The following CDYL variants were observed in gnomAD, a reference collection of about 807,000 sequenced individuals.
CDYL encodes the protein chromodomain Y-like protein.
In CDYL, 8 loss-of-function variants were observed where a neutral mutation model predicts 47.3. That is an observed-to-expected ratio of 0.17 (90% CI 0.10 to 0.31). The LOEUF (loss-of-function observed/expected upper bound fraction) is 0.31, where lower values mean the gene tolerates loss of function less well. Among genes scored for constraint, CDYL ranks in the 10% least tolerant of loss-of-function variants. CDYL has a pLI of 1.00. For missense variants in CDYL, 471 were observed against 701.4 expected (o/e 0.67, Z 3.71); for synonymous variants, 266 against 265.0 (o/e 1.00, Z -0.04).
In CDYL at chr6:4,787,081, C is replaced by A. The variant is rs555269155; in HGVS notation, c.24+10274C>A. ...GAGGGAAGTTCTCAACTGTCTTACA[C>A]CCCAGGCACGTGAGGTAGAGTGTAG... On this transcript the variant is annotated intron_variant, in intron 1 of 6. Transcript: ENST00000397588. Among the ~76,000 whole-genome samples the A allele has an allele frequency of 2.6e-5, 4 of 152,326 alleles. No homozygotes were observed. In the South Asian group the frequency reaches 8.3e-4, roughly 32 times the overall value.
chr6:4,747,074 C>T (rs1481468488), intron 3 of CDYL, among the ~76,000 whole-genome samples: 4 of 152,026 alleles, frequency 2.6e-5, no homozygotes, highest in African/African-American at 4.8e-5. Flanking sequence ...TTTGGGAGGT[C>T]GAGGCGGGCC....
chr6:4,754,147 A>G (rs1758039291), intron 3 of CDYL, among the ~76,000 whole-genome samples: 1 of 152,200 alleles, frequency 6.6e-6, no homozygotes, highest in Non-Finnish European at 1.5e-5. Context: ...TTAAGAAAAA[A>G]AAATCAATTT....
intron 1 of CDYL, among the ~76,000 whole-genome samples, chr6:4,711,370 G>C (rs758727238): frequency 2.6e-5 from 4 of 152,166 alleles, no homozygotes; most frequent in African/African-American, 4.8e-5. Context: ...TTCTCTGGTT[G>C]TTTATTCACA....
chr6:4,717,018 T>C (rs966207669), intron 2 of CDYL, among the ~76,000 whole-genome samples: 4 of 152,074 alleles, frequency 2.6e-5, no homozygotes, highest in Non-Finnish European at 5.9e-5. Flanking sequence ...GTTCTGGGAA[T>C]GATGAGTCTG....
At chr6:4,746,360 C>CAA (rs1157122372) in intron 3 of CDYL, among the ~76,000 whole-genome samples, 48 of 95,078 alleles carry the variant, frequency 5.0e-4, no homozygotes, top group South Asian at 1.6e-3. Flanking sequence ...CAGACTCTCT[C>CAA]AAAAAAAAAA....
In CDYL at chr6:4,733,710, C is replaced by T. The variant is rs997047112; in HGVS notation, c.104-1052C>T. Among the ~76,000 whole-genome samples, 7 of 152,220 alleles carry T rather than the reference C, an allele frequency of 4.6e-5. No individual in the cohort carries two copies. In the East Asian group the frequency reaches 9.7e-4, roughly 21 times the overall value. ...TGAAGGCAAAGATTAATTTTATATT[C>T]GTTTAAAGGCTTTTCCCGTCCACCT... On this transcript the variant is annotated intron_variant, in intron 2 of 8. Transcript: ENST00000328908.
At chr6:4,940,765 CG>C (rs1272999119) in intron 4 of CDYL, among the ~76,000 whole-genome samples, 3 of 152,332 alleles carry the variant, frequency 2.0e-5, no homozygotes, top group East Asian at 3.9e-4. Context: ...AGAGGGAGAC[CG>C]GGGGCCCTGC....
At position 4,800,848 on chromosome 6, in the gene CDYL, G is replaced by C. The variant is rs577419389; in HGVS notation, c.24+24041G>C. Among the ~76,000 whole-genome samples the C allele has an allele frequency of 7.2e-5, 11 of 152,214 alleles. No homozygotes were observed. In the East Asian group the frequency reaches 2.1e-3, roughly 29 times the overall value. On this transcript the variant is annotated intron_variant, in intron 1 of 6. Transcript: ENST00000397588. ...CCTGTTTATGACGTCATTTTCTCTGGCTGCTTTCAAGATTTTGTTTATCCT... is the reference window on the plus strand; with the variant it reads ...CCTGTTTATGACGTCATTTTCTCTGCCTGCTTTCAAGATTTTGTTTATCCT...
chr6:4,846,112 A>G (rs1760648095), intron 1 of CDYL, among the ~76,000 whole-genome samples: 1 of 152,160 alleles, frequency 6.6e-6, no homozygotes. Flanking sequence ...AGAAATGTGA[A>G]TACTACAATT....
chr6:4,708,874 C>T (rs1757095444), intron 1 of CDYL, among the ~76,000 whole-genome samples: 1 of 151,996 alleles, frequency 6.6e-6, no homozygotes, highest in Non-Finnish European at 1.5e-5. Context: ...CAAAAATTGG[C>T]ATGTGCCTGT....
At chr6:4,779,526 T>C (rs1215857584) in intron 1 of CDYL, among the ~76,000 whole-genome samples, 1 of 152,174 alleles carries the variant, frequency 6.6e-6, no homozygotes, top group Non-Finnish European at 1.5e-5. Context: ...TAAATGGCTA[T>C]TGAAACTAGG....
intron 1 of CDYL, among the ~76,000 whole-genome samples, chr6:4,713,151 C>A (rs920752515): frequency 6.6e-6 from 1 of 152,164 alleles, no homozygotes; most frequent in Admixed American, 6.5e-5. Flanking sequence ...TGACAATTCT[C>A]TAGTTACAAA....
At chr6:4,870,035 A>G (rs1427915619) in intron 1 of CDYL, among the ~76,000 whole-genome samples, 1 of 151,326 alleles carries the variant, frequency 6.6e-6, no homozygotes, top group Non-Finnish European at 1.5e-5. Context: ...TTTTGCTTTC[A>G]TTTTTTTTCT....
chr6:4,744,777 C>G (rs1313563121), intron 3 of CDYL, among the ~76,000 whole-genome samples: 1 of 152,082 alleles, frequency 6.6e-6, no homozygotes, highest in African/African-American at 2.4e-5. Flanking sequence ...GACTTGAACT[C>G]AGGTCTCTCA....
chr6:4,747,455 G>T (rs1327493743), intron 3 of CDYL, among the ~76,000 whole-genome samples: 2 of 152,226 alleles, frequency 1.3e-5, no homozygotes, highest in South Asian at 4.1e-4. Context: ...GTGATAGGTG[G>T]TTATTACTGA....
chr6:4,929,202 C>T (rs1757962656), intron 2 of CDYL, among the ~76,000 whole-genome samples: 1 of 151,922 alleles, frequency 6.6e-6, no homozygotes, highest in African/African-American at 2.4e-5. Flanking sequence ...ATTTATGCTG[C>T]ATTTGTGCTG....
At chr6:4,922,421 C>T (rs959863455) in intron 2 of CDYL, among the ~76,000 whole-genome samples, 7 of 152,314 alleles carry the variant, frequency 4.6e-5, no homozygotes, top group Middle Eastern at 3.4e-3. Context: ...AATATGTGAA[C>T]ATTTTTATCT....
intron 2 of CDYL, among the ~76,000 whole-genome samples, chr6:4,907,531 A>AT: frequency 6.6e-6 from 1 of 151,976 alleles, no homozygotes; most frequent in African/African-American, 2.4e-5. Context: ...TAATTTTTGT[A>AT]TTTTTTGTAG....
At chr6:4,806,223 T>TG (rs535671323) in intron 1 of CDYL, among the ~76,000 whole-genome samples, 336 of 152,282 alleles carry the variant, frequency 2.2e-3, no homozygotes, top group Non-Finnish European at 3.6e-3. Context: ...AAGGAATGCT[T>TG]GCAGTCCCTC....
Sources: allele counts gnomAD v4.1 joint callset (sites outside exome capture counted in the v4.1 genomes callset), GRCh38; gene constraint gnomAD v4.1.1; transcripts MANE v1.5; gene names NCBI Gene and HGNC (gene_info 2026-07-23, HGNC 2026-07-21).